Variants in ADGB observed in about 807,000 individuals in gnomAD.
ADGB encodes the protein androglobin.
In ADGB, 172 loss-of-function variants were observed where a neutral mutation model predicts 210.5. The ratio of observed to expected loss-of-function variants is 0.82; its 90% CI spans 0.72 to 0.93. The LOEUF (loss-of-function observed/expected upper bound fraction) is 0.93. Ranked by LOEUF, ADGB falls within the 40% of genes least tolerant of loss-of-function variation. The pLI, the probability that ADGB is intolerant of heterozygous loss-of-function variation, is 0.00. For missense variants in ADGB, 2,025 were observed against 1,964.8 expected (o/e 1.03, Z -0.58); for synonymous variants, 658 against 662.7 (o/e 0.99, Z 0.11).
chr6:146,713,749 T>A (rs536635111), intron 13 of ADGB, among the ~76,000 whole-genome samples: 63 of 152,238 alleles, frequency 4.1e-4, no homozygotes, highest in African/African-American at 1.5e-3. Flanking sequence ...TCTTTTTTTT[T>A]ATTTTGATGC....
At chr6:146,720,787 A>T (rs1032315714) in intron 16 of ADGB, among the ~76,000 whole-genome samples, 3 of 151,942 alleles carry the variant, frequency 2.0e-5, no homozygotes, top group Non-Finnish European at 1.5e-5. Context: ...TCTCCTGAGA[A>T]CTCCATCGCT....
intron 16 of ADGB, among the ~76,000 whole-genome samples, chr6:146,717,869 A>C (rs570758012): frequency 6.6e-6 from 1 of 152,314 alleles, no homozygotes; most frequent in South Asian, 2.1e-4. Flanking sequence ...AATTATGAAA[A>C]AATGAAGGAC....
Position 146,795,655 on chromosome 6 carries a change from G to C in ADGB, c.4538-5528G>C, listed in dbSNP as rs775517560. Among the ~76,000 whole-genome samples, 84 of 152,292 alleles carry C rather than the reference G, an allele frequency of 5.5e-4. 1 individual carries two copies. The highest frequency in any genetic ancestry group is 3.0e-3 in the Admixed American group (46 of 15,310). On this transcript the variant is annotated intron_variant, in intron 33 of 35. Transcript: ENST00000397944. ...ATTATTAATAGCCTGACAGATGCTG[G>C]TCAGGTTGTGGAGAAAAAGGAACAC...
intron 23 of ADGB, 112 bp from the exon 24 acceptor site, chr6:146,740,347 C>A: frequency 1.0e-6 from 1 of 977,280 alleles, no homozygotes; most frequent in Non-Finnish European, 1.5e-6. Flanking sequence ...TCAATCTAGC[C>A]AACAATGACT....
intron 1 of ADGB, 46 bp downstream of exon 1, chr6:146,599,160 G>A: frequency 6.6e-7 from 1 of 1,509,578 alleles, no homozygotes; most frequent in Non-Finnish European, 9.0e-7. Flanking sequence ...CTAGCCCCTC[G>A]ACCTCACCAC....
intron 33 of ADGB, among the ~76,000 whole-genome samples, chr6:146,796,582 C>T (rs1418930326): frequency 1.3e-5 from 2 of 152,108 alleles, no homozygotes; most frequent in African/African-American, 4.8e-5. Context: ...GCCATCTGTT[C>T]TTTAAAAAGC....
chr6:146,718,793 G>A (rs1776772755), intron 16 of ADGB, among the ~76,000 whole-genome samples: 1 of 152,196 alleles, frequency 6.6e-6, no homozygotes, highest in African/African-American at 2.4e-5. Flanking sequence ...AACGGGCAGA[G>A]AAAACCTTTT....
At chr6:146,695,871 C>CA (rs1776394650) in intron 12 of ADGB, among the ~76,000 whole-genome samples, 1 of 151,980 alleles carries the variant, frequency 6.6e-6, no homozygotes, top group East Asian at 1.9e-4. Flanking sequence ...TGCAACATAA[C>CA]TAAGTGGCAT....
At chr6:146,623,391 A>G (rs1479920441) in intron 1 of ADGB, among the ~76,000 whole-genome samples, 1 of 151,908 alleles carries the variant, frequency 6.6e-6, no homozygotes, top group African/African-American at 2.4e-5. Flanking sequence ...AGAGTTGTAT[A>G]GTTTCAGTCT....
chr6:146,757,863 T>C (rs1777431245), intron 27 of ADGB, among the ~76,000 whole-genome samples: 1 of 151,992 alleles, frequency 6.6e-6, no homozygotes, highest in African/African-American at 2.4e-5. Flanking sequence ...ACGTGTGAAT[T>C]GTTATCATAA....
At chr6:146,797,494 A>T (rs543274728) in intron 33 of ADGB, among the ~76,000 whole-genome samples, 1 of 152,240 alleles carries the variant, frequency 6.6e-6, no homozygotes, top group East Asian at 1.9e-4. Context: ...AAAGTAGATA[A>T]AGAAAATGTG....
At chr6:146,773,509 C>G (rs1049001777) in intron 29 of ADGB, among the ~76,000 whole-genome samples, 1 of 152,104 alleles carries the variant, frequency 6.6e-6, no homozygotes, top group Non-Finnish European at 1.5e-5. Context: ...TTTAATCACT[C>G]TAATTATAAT....
In ADGB at chr6:146,664,230, CTT is replaced by C; in HGVS notation, c.646_647del (p.Leu216AlafsTer3). The C allele has an allele frequency of 3.2e-6, 5 of 1,548,048 alleles. No individual in the cohort carries two copies. The highest frequency in any genetic ancestry group is 4.4e-6 in the Non-Finnish European group (5 of 1,145,176). On this transcript the variant is annotated frameshift_variant, in exon 6 of 36. Coordinates refer to ENST00000397944, the MANE Select transcript of ADGB (RefSeq NM_024694.4). LOFTEE classifies it high-confidence loss of function. ...GCTGGAGAAAGATAACAATTGATGA[CTT>C]TTTGCCTTTTGATGAAGATAACAAT... ...GCWRKITIDD[F>X]LPFDEDNNLL...
Position 146,691,455 on chromosome 6 carries a change from TATAAAA to T in ADGB, c.1486+169_1486+174del, listed in dbSNP as rs1368246270. ...ATATATATATATAAAAATATATATATATAAAAATATATATATATATAAATATATATA... is the reference window on the plus strand; with the variant it reads ...ATATATATATATAAAAATATATATATATATATATATATATAAATATATATA... On this transcript the variant is annotated intron_variant, in intron 11 of 35. Transcript: ENST00000397944. Among the ~76,000 whole-genome samples the T allele has an allele frequency of 5.5e-5, 3 of 54,238 alleles. No homozygotes were observed. In the African/African-American group the frequency reaches 6.2e-4, roughly 11 times the overall value. The allele number at this position is 54,238 out of a possible 152,430, so 35.6% of individuals were successfully genotyped here.
chr6:146,599,449 C>G (rs1193084151), intron 1 of ADGB, among the ~76,000 whole-genome samples: 1 of 152,166 alleles, frequency 6.6e-6, no homozygotes, highest in Non-Finnish European at 1.5e-5. Context: ...ATCTCAAATA[C>G]TTCTGGTTAA....
chr6:146,601,310 T>C (rs969859064), intron 1 of ADGB, among the ~76,000 whole-genome samples: 1 of 152,216 alleles, frequency 6.6e-6, no homozygotes, highest in African/African-American at 2.4e-5. Context: ...CATACATTTA[T>C]GAAAATAGAA....
At chr6:146,733,558 G>A (rs1283198775) in intron 21 of ADGB, among the ~76,000 whole-genome samples, 2 of 152,120 alleles carry the variant, frequency 1.3e-5, no homozygotes, top group Non-Finnish European at 2.9e-5. Flanking sequence ...ATTCTGGCAA[G>A]ATCCTCTGAC....
chr6:146,736,597 G>A lies in ADGB; in HGVS notation c.2888+6G>A, dbSNP rs770559024. 1.3e-6 allele frequency: 2 copies of A among 1,520,754 alleles called. No individual in the cohort carries two copies. Among genetic ancestry groups the A allele is most frequent in the East Asian group, 2.5e-5 (1 of 40,660 alleles). The allele number at this position is 1,520,754 out of a possible 1,614,324, so 94.2% of individuals were successfully genotyped here. ...TATGCAGTTTCTCTCTTAAGGTAAA[G>A]CAGTCAAATGATATTTTTATTGCAG... On this transcript the variant is annotated splice_donor_region_variant and intron_variant, in intron 23 of 35. Coordinates refer to ENST00000397944, the MANE Select transcript of ADGB (RefSeq NM_024694.4).
At chr6:146,794,081 G>A (rs1562302865) in intron 33 of ADGB, among the ~76,000 whole-genome samples, 1 of 152,148 alleles carries the variant, frequency 6.6e-6, no homozygotes, top group Non-Finnish European at 1.5e-5. Flanking sequence ...TAGTTGTATG[G>A]CCCTGTGCTG....
Sources: gnomAD v4.1 joint callset for allele counts (sites outside exome capture counted in the v4.1 genomes callset) on GRCh38, gnomAD v4.1.1 for gene constraint, MANE v1.5 for transcripts, NCBI Gene and HGNC (gene_info 2026-07-23, HGNC 2026-07-21) for gene names.